Variants in ODR4 observed in about 807,000 individuals in gnomAD.
ODR4 encodes the protein protein odr-4 homolog.
Under a neutral mutation model 60.2 loss-of-function variants are expected in ODR4, and 47 were observed. That is an observed-to-expected ratio of 0.78 (90% CI 0.62 to 1.00). The LOEUF is 1.00. Ranked by LOEUF, ODR4 falls within the 50% of genes least tolerant of loss-of-function variation. ODR4 has a pLI of 0.00. For missense variants in ODR4, 488 were observed against 530.8 expected (o/e 0.92, Z 0.79); for synonymous variants, 178 against 175.5 (o/e 1.01, Z -0.11).
chr1:186,392,391 C>A (rs914811378), intron 8 of ODR4, among the ~76,000 whole-genome samples: 5 of 152,142 alleles, frequency 3.3e-5, no homozygotes, highest in Non-Finnish European at 7.3e-5. Flanking sequence ...AACCTAAATG[C>A]CCATCAATGA....
intron 1 of ODR4, among the ~76,000 whole-genome samples, chr1:186,377,836 G>T (rs1024186673): frequency 3.9e-5 from 6 of 152,164 alleles, no homozygotes; most frequent in African/African-American, 1.4e-4. Context: ...ACACGGTCAG[G>T]AGATCGAGAC....
At chr1:186,428,046 G>A in the ODR4 span, among the ~76,000 whole-genome samples, 5 of 152,118 alleles carry the variant, frequency 3.3e-5, no homozygotes, top group African/African-American at 1.2e-4. Context: ...AGGATTTTTG[G>A]AATGGCAAAG....
At chr1:186,423,026 T>G (rs1040449794), downstream of ODR4, among the ~76,000 whole-genome samples, 1 of 152,088 alleles carries the variant, frequency 6.6e-6, no homozygotes, top group Admixed American at 6.5e-5. Context: ...ATTTGAAAAC[T>G]TAGACAAAAT....
downstream of ODR4, among the ~76,000 whole-genome samples, chr1:186,426,126 C>A (rs1227899421): frequency 6.6e-6 from 1 of 152,204 alleles, no homozygotes; most frequent in African/African-American, 2.4e-5. Flanking sequence ...CATTGATCTT[C>A]TAGCCACCAC....
intron 7 of ODR4, among the ~76,000 whole-genome samples, 167 bp downstream of exon 7, chr1:186,391,018 T>G (rs1660448375): frequency 6.6e-6 from 1 of 152,204 alleles, no homozygotes; most frequent in African/African-American, 2.4e-5. Flanking sequence ...TTTTAGAAAT[T>G]TTTAGAAGTG....
chr1:186,415,423 A>G (rs1233539213), intron 12 of ODR4, among the ~76,000 whole-genome samples: 1 of 152,232 alleles, frequency 6.6e-6, no homozygotes, highest in Non-Finnish European at 1.5e-5. Flanking sequence ...AAATTTAAAC[A>G]GTAATATTTA....
intron 1 of ODR4, among the ~76,000 whole-genome samples, chr1:186,379,154 G>A (rs1659917653): frequency 2.6e-5 from 4 of 152,018 alleles, no homozygotes; most frequent in Admixed American, 2.6e-4. Flanking sequence ...TAAGAAATCT[G>A]GTGTGTTGGC....
chr1:186,398,898 T>G (rs1251347607), intron 10 of ODR4, 56 bp from the exon 11 acceptor site: 8 of 1,284,756 alleles, frequency 6.2e-6, no homozygotes, highest in Non-Finnish European at 8.6e-6. Context: ...AGTTAAATAT[T>G]GTAAATCTAA....
chr1:186,416,855 CAAA>C (rs71104859), intron 12 of ODR4, among the ~76,000 whole-genome samples: 3 of 85,700 alleles, frequency 3.5e-5, no homozygotes, highest in Admixed American at 1.4e-4. Context: ...GATTCTGTCT[CAAA>C]AAAAAAAAAA....
chr1:186,408,396 A>T (rs2102076228), intron 12 of ODR4, among the ~76,000 whole-genome samples: 1 of 152,038 alleles, frequency 6.6e-6, no homozygotes, highest in African/African-American at 2.4e-5. Flanking sequence ...TCAAGTGTAA[A>T]TGGATGATGT....
At chr1:186,387,099 A>G (rs1045473653) in intron 4 of ODR4, among the ~76,000 whole-genome samples, 4 of 150,766 alleles carry the variant, frequency 2.7e-5, no homozygotes, top group Non-Finnish European at 5.9e-5. Flanking sequence ...AGTATCCCAG[A>G]AAAACATTTT....
At chr1:186,432,633 T>G in the ODR4 span, among the ~76,000 whole-genome samples, 1 of 152,160 alleles carries the variant, frequency 6.6e-6, no homozygotes, top group Non-Finnish European at 1.5e-5. Context: ...CTATTTTTTT[T>G]GTTTTCAAAT....
intron 11 of ODR4, 32 bp from the exon 12 acceptor site, chr1:186,406,051 C>G: frequency 2.1e-6 from 3 of 1,420,878 alleles, no homozygotes; most frequent in East Asian, 2.4e-5. Context: ...ACAAACCTAT[C>G]TAAATATTGA....
intron 12 of ODR4, 148 bp from the exon 13 acceptor site, chr1:186,417,396 G>GATATAATGAACATAATGATATAATGAAC: frequency 1.6e-6 from 1 of 621,538 alleles, no homozygotes; most frequent in Non-Finnish European, 2.9e-6. Flanking sequence ...ACCTACAATT[G>GATATAATGAACATAATGATATAATGAAC]ATAATGAACA....
chr1:186,396,248 T>TA (rs1660665592), intron 9 of ODR4, among the ~76,000 whole-genome samples: 1 of 152,204 alleles, frequency 6.6e-6, no homozygotes, highest in Admixed American at 6.5e-5. Flanking sequence ...AAGAGGAGTT[T>TA]ACATTTGTAG....
intron 8 of ODR4, 64 bp downstream of exon 8, chr1:186,391,855 ATTT>A: frequency 1.0e-6 from 1 of 983,490 alleles, no homozygotes; most frequent in Non-Finnish European, 1.6e-6. Context: ...AACATGACTT[ATTT>A]TTAGTCCTTG....
chr1:186,388,697 CAAT>C (rs1660341904), intron 5 of ODR4, 149 bp downstream of exon 5: 12 of 531,944 alleles, frequency 2.3e-5, no homozygotes, highest in East Asian at 3.4e-5. Context: ...TTAGAGCCAC[CAAT>C]AATAATAATA....
rs1659736454 is a variant in ODR4 at position 186,375,962 on chromosome 1, A to G, written c.-32A>G. ...AGGTAATTGTCTGCCACGAGTGCAC[A>G]TTCTGAAAACAGGTAAGTCAGCCTA... On this transcript the variant is annotated 5_prime_UTR_variant, in exon 1 of 14. Transcript: ENST00000287859. 1 of 210,560 alleles carries G rather than the reference A, an allele frequency of 4.7e-6. No individual in the cohort carries two copies. Among genetic ancestry groups the G allele is most frequent in the Non-Finnish European group, 1.0e-5 (1 of 96,244 alleles). 13.0% of individuals were successfully genotyped at this position (210,560 alleles called of 1,614,324 possible).
chr1:186,397,423 AT>A (rs1039240806), intron 9 of ODR4, among the ~76,000 whole-genome samples: 19 of 151,496 alleles, frequency 1.3e-4, no homozygotes, highest in Non-Finnish European at 1.5e-4. Context: ...GTAAATCATT[AT>A]TTTTTGTTTC....
Sources: allele counts gnomAD v4.1 joint callset (sites outside exome capture counted in the v4.1 genomes callset), GRCh38; gene constraint gnomAD v4.1.1; transcripts MANE v1.5; gene names NCBI Gene and HGNC (gene_info 2026-07-23, HGNC 2026-07-21).